GABARAP: variants seen among roughly 807,000 people sequenced by gnomAD.
The protein encoded by GABARAP is GABA type A receptor-associated protein.
A neutral mutation model predicts 16.7 loss-of-function variants in GABARAP; 5 were observed. The observed-to-expected ratio is 0.30, with a 90% CI of 0.16 to 0.63. The LOEUF is 0.63. Among genes scored for constraint, GABARAP ranks in the 20% least tolerant of loss-of-function variants. GABARAP has a pLI of 0.82. For synonymous variants in GABARAP, 45 were observed against 52.7 expected (o/e 0.85, Z 0.64); for missense variants, 84 against 146.6 (o/e 0.57, Z 2.21).
intron 1 of GABARAP, 23 bp downstream of exon 1, chr17:7,242,218 T>C (rs761683037): frequency 1.3e-6 from 2 of 1,577,854 alleles, no homozygotes; most frequent in South Asian, 1.1e-5. Flanking sequence ...TCCCGCGCCC[T>C]CGGCCCTGGC....
In GABARAP at chr17:7,240,830, C is replaced by T. The variant is rs1482902977; in HGVS notation, c.*24G>A. On this transcript the variant is annotated 3_prime_UTR_variant, in exon 4 of 4. Coordinates refer to ENST00000302386, the MANE Select transcript of GABARAP (RefSeq NM_007278.2). The stretch of plus-strand genomic sequence containing the variant: ...CCTCTCTCTTTGTAGAATGAGACCC[C>T]CCTCCAGCTCAGGGGCAGCAGCTTC... 1.3e-6 allele frequency: 2 copies of T among 1,560,616 alleles called. No homozygotes were observed. Among genetic ancestry groups the T allele is most frequent in the African/African-American group, 1.4e-5 (1 of 73,774 alleles).
At chr17:7,241,798 T>C (rs11656323) in intron 1 of GABARAP, 119 bp from the exon 2 acceptor site, 31,174 of 743,178 alleles carry the variant, frequency 0.042, 715 homozygotes, top group Middle Eastern at 0.065. Context: ...TCTCTTTGTC[T>C]TTGTACACGC....
At chr17:7,241,049 G>A (rs1482741388) in intron 3 of GABARAP, 130 bp from the exon 4 acceptor site, 9 of 731,664 alleles carry the variant, frequency 1.2e-5, no homozygotes, top group African/African-American at 1.7e-5. Context: ...CCTACCACAC[G>A]AGCAGTATAA....
At chr17:7,242,018 C>G in intron 1 of GABARAP, 1 of 599,838 alleles carries the variant, frequency 1.7e-6, no homozygotes, top group Non-Finnish European at 3.0e-6. Flanking sequence ...TCTCTAAGGC[C>G]TCAAATGCTA....
chr17:7,242,381 C>A lies in GABARAP; in HGVS notation c.-51G>T, dbSNP rs752895029. Reference sequence around the variant, plus strand: ...GCTGGGCTGAGGGAACCCAGGGGGGCCGGGACGGGGGGCGGCGACGACGGC... The same window carrying A: ...GCTGGGCTGAGGGAACCCAGGGGGGACGGGACGGGGGGCGGCGACGACGGC... On this transcript the variant is annotated 5_prime_UTR_variant, in exon 1 of 4. Transcript: ENST00000302386. The A allele has an allele frequency of 5.0e-6, 7 of 1,411,588 alleles. No individual in the cohort carries two copies. Among genetic ancestry groups the A allele is most frequent in the Non-Finnish European group, 7.0e-6 (7 of 1,003,718 alleles). 87.4% of individuals were successfully genotyped at this position (1,411,588 alleles called of 1,614,324 possible).
At position 7,241,616 on chromosome 17, in the gene GABARAP, G is replaced by A; in HGVS notation, c.154C>T (p.Pro52Ser). ...AGGTTCCCACCTGTGAGATCAGAAG[G>A]CACCAGGTATTTCTTTTTGTCCAGG... ...GDLDKKKYLVPSDLTVGQFYF... is the reference protein window; with the variant it reads ...GDLDKKKYLVSSDLTVGQFYF... The change falls in exon 2 of 4, where the codon CCT (proline) becomes TCT (serine). Residue 52 changes from proline (P) to serine (S), a missense_variant. Coordinates refer to ENST00000302386, the MANE Select transcript of GABARAP (RefSeq NM_007278.2). The A allele has an allele frequency of 6.2e-7, 1 of 1,610,002 alleles. No homozygotes were observed. The highest frequency in any genetic ancestry group is 8.5e-7 in the Non-Finnish European group (1 of 1,176,284).
At chr17:7,240,996 T>A in intron 3 of GABARAP, 77 bp from the exon 4 acceptor site, 3 of 932,502 alleles carry the variant, frequency 3.2e-6, no homozygotes, top group Non-Finnish European at 5.4e-6. Flanking sequence ...CACGTTCTTC[T>A]AGAACCACAA....
Position 7,241,332 on chromosome 17 carries a change from G to A in GABARAP, c.288+10C>T, listed in dbSNP as rs139783498. Reference sequence around the variant, plus strand: ...TCTCCAAAGCCTCCACCACTTCCCAGTCACCATACCTGGTACAGCTGACCC... The same window carrying A: ...TCTCCAAAGCCTCCACCACTTCCCAATCACCATACCTGGTACAGCTGACCC... On this transcript the variant is annotated intron_variant, in intron 3 of 3. Transcript: ENST00000302386. 1.6e-6 allele frequency: 2 copies of A among 1,250,878 alleles called. No individual in the cohort carries two copies. Among genetic ancestry groups the A allele is most frequent in the Non-Finnish European group, 1.2e-6 (1 of 849,190 alleles). The allele number at this position is 1,250,878 out of a possible 1,614,324, so 77.5% of individuals were successfully genotyped here. A position where few individuals can be genotyped will look rare whatever the true frequency, so the allele number is the denominator to read the frequency against.
rs2071785917 is a variant in GABARAP at position 7,242,298 on chromosome 17, G to A, written c.33C>T (p.Phe11=). The A allele has an allele frequency of 1.2e-6, 2 of 1,613,792 alleles. No individual in the cohort carries two copies. The highest frequency in any genetic ancestry group is 1.7e-6 in the Non-Finnish European group (2 of 1,179,824). MKFVYKEEHP[F]EKRRSEGEKI... is the part of the protein sequence containing the mutation. ...TCTCGCCCTCAGAGCGGCGCTTCTC[G>A]AACGGATGCTCTTCTTTGTACACGA... is the stretch of plus-strand genomic sequence containing the variant. Residue 11 remains phenylalanine (F), a synonymous_variant, in exon 1 of 4, where the codon TTC becomes TTT. Transcript: ENST00000302386.
chr17:7,240,855 C>T lies in GABARAP; in HGVS notation c.353G>A (p.Ter118=), dbSNP rs1416546224. 2 of 1,608,256 alleles carry T rather than the reference C, an allele frequency of 1.2e-6. No homozygotes were observed. The highest frequency in any genetic ancestry group is 1.3e-5 in the African/African-American group (1 of 74,776). ...CCCTCCAGCTCAGGGGCAGCAGCTT[C>T]ACAGACCGTAGACACTTTCGTCACT... is the stretch of plus-strand genomic sequence containing the variant. ...AYSDESVYGL[*] is the part of the protein sequence containing the mutation. The change falls in exon 4 of 4, where the codon TGA becomes TAA. Residue 118 remains the stop codon, a stop_retained_variant. Transcript: ENST00000302386.
In GABARAP at chr17:7,240,799, G is replaced by A; in HGVS notation, c.*55C>T. On this transcript the variant is annotated 3_prime_UTR_variant, in exon 4 of 4. Transcript: ENST00000302386. ...GAAGGAGGAGGAGGTCAAGAAAGGGGGGCCACCTCTCTCTTTGTAGAATGA... is the reference window on the plus strand; with the variant it reads ...GAAGGAGGAGGAGGTCAAGAAAGGGAGGCCACCTCTCTCTTTGTAGAATGA... 1.7e-6 allele frequency: 2 copies of A among 1,199,348 alleles called. No homozygotes were observed. Among genetic ancestry groups the A allele is most frequent in the Non-Finnish European group, 2.5e-6 (2 of 804,812 alleles). The allele number at this position is 1,199,348 out of a possible 1,614,324, so 74.3% of individuals were successfully genotyped here.
rs1224254638 is a variant in GABARAP at position 7,240,026 on chromosome 17, T to C, written c.*828A>G. The C allele has an allele frequency of 6.6e-6, 1 of 152,212 alleles. No individual in the cohort carries two copies. The highest frequency in any genetic ancestry group is 1.5e-5 in the Non-Finnish European group (1 of 68,038). The allele number at this position is 152,212 out of a possible 1,614,324, so 9.4% of individuals were successfully genotyped here. A position where few individuals can be genotyped will look rare whatever the true frequency, so the allele number is the denominator to read the frequency against. On this transcript the variant is annotated 3_prime_UTR_variant, in exon 4 of 4. Coordinates refer to ENST00000302386, the MANE Select transcript of GABARAP (RefSeq NM_007278.2). Reference sequence around the variant, plus strand: ...AGTGACATGCAACTGAGAACAGCCGTTTTACTAGCTTGCACACATGAAAAT... The same window carrying C: ...AGTGACATGCAACTGAGAACAGCCGCTTTACTAGCTTGCACACATGAAAAT...
chr17:7,241,754 A>G lies in GABARAP; in HGVS notation c.91-75T>C. The G allele has an allele frequency of 3.3e-6, 3 of 911,812 alleles. No individual in the cohort carries two copies. The South Asian group carries it at 3.9e-5, about 12-fold the overall frequency. 56.5% of individuals were successfully genotyped at this position (911,812 alleles called of 1,614,324 possible). ...TGCACCTGTCAAGAACTCAAGAAAC[A>G]ATATTCCTAGCACCTAAATCTACCC... On this transcript the variant is annotated intron_variant, in intron 1 of 3. Transcript: ENST00000302386.
intron 3 of GABARAP, 57 bp downstream of exon 3, chr17:7,241,285 C>T (rs2071775602): frequency 1.1e-6 from 1 of 878,944 alleles, no homozygotes; most frequent in South Asian, 1.3e-5. Flanking sequence ...ACTTTCTTCC[C>T]CTCACGCTCT....
chr17:7,241,311 C>T (rs1181921169), intron 3 of GABARAP, 31 bp downstream of exon 3: 2 of 1,026,988 alleles, frequency 1.9e-6, no homozygotes, highest in Non-Finnish European at 3.1e-6. Flanking sequence ...GATTCCTCTC[C>T]AAAGCCTCCA....
chr17:7,241,287 T>G (rs1237774055), intron 3 of GABARAP, 55 bp downstream of exon 3: 1 of 888,362 alleles, frequency 1.1e-6, no homozygotes, highest in African/African-American at 1.6e-5. Context: ...TTTCTTCCCC[T>G]CACGCTCTTC....
Position 7,242,389 on chromosome 17 carries a change from G to T in GABARAP, c.-59C>A. 1 of 1,325,346 alleles carries T rather than the reference G, an allele frequency of 7.5e-7. No homozygotes were observed. The highest frequency in any genetic ancestry group is 1.2e-5 in the South Asian group (1 of 84,072). The allele number at this position is 1,325,346 out of a possible 1,614,324, so 82.1% of individuals were successfully genotyped here. A position where few individuals can be genotyped will look rare whatever the true frequency, so the allele number is the denominator to read the frequency against. ...GAGGGAACCCAGGGGGGCCGGGACG[G>T]GGGGCGGCGACGACGGCGGCGACGC... On this transcript the variant is annotated 5_prime_UTR_variant, in exon 1 of 4. Coordinates refer to ENST00000302386, the MANE Select transcript of GABARAP (RefSeq NM_007278.2).
At chr17:7,240,998 G>T in intron 3 of GABARAP, 79 bp from the exon 4 acceptor site, 1 of 923,140 alleles carries the variant, frequency 1.1e-6, no homozygotes, top group Non-Finnish European at 1.8e-6. Context: ...CGTTCTTCTA[G>T]AACCACAAAC....
At chr17:7,241,048 C>T (rs1272544379) in intron 3 of GABARAP, 129 bp from the exon 4 acceptor site, 2 of 732,322 alleles carry the variant, frequency 2.7e-6, no homozygotes, top group South Asian at 1.6e-5. Context: ...GCCTACCACA[C>T]GAGCAGTATA....
Sources: gnomAD v4.1 joint callset for allele counts on GRCh38, gnomAD v4.1.1 for gene constraint, MANE v1.5 for transcripts, NCBI Gene and HGNC (gene_info 2026-07-23, HGNC 2026-07-21) for gene names.